Variants in MIB1 observed in about 807,000 individuals in gnomAD.
MIB1 encodes the protein MIB E3 ubiquitin protein ligase 1.
A neutral mutation model predicts 124.5 loss-of-function variants in MIB1; 278 were observed. That is an observed-to-expected ratio of 2.23 (90% confidence interval 2.02 to 2.47). The LOEUF (loss-of-function observed/expected upper bound fraction) is 2.47. Ranked by LOEUF, MIB1 falls within the 30% of genes most tolerant of loss-of-function variation. The pLI, the probability that MIB1 is intolerant of heterozygous loss-of-function variation, is 0.00. For missense variants in MIB1, 957 were observed against 1,254.4 expected, an observed-to-expected ratio of 0.76 and a Z score of 3.58; for synonymous variants, 446 against 429.4, an observed-to-expected ratio of 1.04 and a Z score of -0.48.
intron 7 of MIB1, among the ~76,000 whole-genome samples, chr18:21,795,584 G>A (rs1470373220): frequency 6.6e-6 from 1 of 151,308 alleles, no homozygotes; most frequent in African/African-American, 2.4e-5. Context: ...GATTTGATTT[G>A]AAATCACATA....
At chr18:21,758,075 G>T (rs962189721) in intron 1 of MIB1, among the ~76,000 whole-genome samples, 3 of 152,154 alleles carry the variant, frequency 2.0e-5, no homozygotes, top group African/African-American at 7.2e-5. Context: ...ACTTGTCTGA[G>T]ACTCAGTTTC....
At chr18:21,844,648 C>T (rs558642271) in intron 15 of MIB1, among the ~76,000 whole-genome samples, 2 of 152,268 alleles carry the variant, frequency 1.3e-5, no homozygotes, top group Admixed American at 6.5e-5. Flanking sequence ...AGGCTGGTCT[C>T]GAACTCCTGA....
rs2042077848 is a variant in MIB1 at position 21,840,654 on chromosome 18, TA to T, written c.1962+2158del. On this transcript the variant is annotated intron_variant, in intron 13 of 20. Coordinates refer to ENST00000261537, the MANE Select transcript of MIB1 (RefSeq NM_020774.4). ...ATATATATATATATATATATATATA[TA>T]TATATATATATTTTTTTTTTTTTTT... Among the ~76,000 whole-genome samples the T allele has an allele frequency of 7.2e-3, 29 of 4,026 alleles. 1 individual carries two copies. The highest frequency in any genetic ancestry group is 0.017 in the Admixed American group (4 of 230). The allele number at this position is 4,026 out of a possible 152,430, so 2.6% of individuals were successfully genotyped here. A position where few individuals can be genotyped will look rare whatever the true frequency, so the allele number is the denominator to read the frequency against.
At chr18:21,723,418 G>T (rs2040723611) in intron 1 of MIB1, among the ~76,000 whole-genome samples, 1 of 152,060 alleles carries the variant, frequency 6.6e-6, no homozygotes, top group Non-Finnish European at 1.5e-5. Context: ...GGTTCTGAGT[G>T]TACTCACTGC....
At chr18:21,816,338 A>G (rs979986847) in intron 11 of MIB1, among the ~76,000 whole-genome samples, 2 of 152,164 alleles carry the variant, frequency 1.3e-5, no homozygotes, top group Non-Finnish European at 1.5e-5. Flanking sequence ...ACAGTTTTAT[A>G]ACCAGATAAA....
intron 12 of MIB1, among the ~76,000 whole-genome samples, chr18:21,838,121 G>C (rs1021243861): frequency 6.6e-6 from 1 of 151,978 alleles, no homozygotes; most frequent in Non-Finnish European, 1.5e-5. Context: ...CAAAAAGCTA[G>C]CTGGGCATGG....
intron 20 of MIB1, among the ~76,000 whole-genome samples, chr18:21,859,392 C>CAA (rs55876332): frequency 0.014 from 1,723 of 121,980 alleles, 16 homozygotes; most frequent in Admixed American, 0.018. Context: ...GACCCCATCT[C>CAA]AAAAAAAAAA....
intron 1 of MIB1, among the ~76,000 whole-genome samples, chr18:21,719,783 C>T (rs2040706611): frequency 1.3e-5 from 2 of 151,936 alleles, no homozygotes; most frequent in Admixed American, 1.3e-4. Context: ...TAAAAACTCA[C>T]TCCTATTTAC....
rs1341534504 is a variant in MIB1 at position 21,864,655 on chromosome 18, C to A, written c.3010C>A (p.Leu1004Ile). Reference sequence around the variant, plus strand: ...TCGCAAGGCTATTGAACGAAGGATTCTTTTGTATTAACTAAGACACATGGT... The same window carrying A: ...TCGCAAGGCTATTGAACGAAGGATTATTTTGTATTAACTAAGACACATGGT... ...ICRKAIERRI[L>I]LY is the part of the protein sequence containing the mutation. The change falls in exon 21 of 21, where the codon CTT becomes ATT. Residue 1004 changes from leucine (L) to isoleucine (I), a missense_variant. Physicochemically the swap from Leu to Ile is conservative, Grantham distance 5. Coordinates refer to ENST00000261537, the MANE Select transcript of MIB1 (RefSeq NM_020774.4). 1.2e-6 allele frequency: 2 copies of A among 1,613,064 alleles called. No individual in the cohort carries two copies. The highest frequency in any genetic ancestry group is 1.1e-5 in the South Asian group (1 of 90,970).
rs1394405437 is a variant in MIB1 at position 21,868,549 on chromosome 18, T to C, written c.*3883T>C. The C allele has an allele frequency of 2.6e-5, 4 of 152,480 alleles. No homozygotes were observed. The highest frequency in any genetic ancestry group is 2.6e-4 in the Admixed American group (4 of 15,274). 9.4% of individuals were successfully genotyped at this position (152,480 alleles called of 1,614,324 possible). A position where few individuals can be genotyped will look rare whatever the true frequency, so the allele number is the denominator to read the frequency against. On this transcript the variant is annotated 3_prime_UTR_variant, in exon 21 of 21. Coordinates refer to ENST00000261537, the MANE Select transcript of MIB1 (RefSeq NM_020774.4). ...ATCAGAATTAGATTAGCTTTGAGTT[T>C]GTACAATTGGGAACATAATAGATTT...
At chr18:21,780,279 A>G (rs1415096066) in intron 6 of MIB1, among the ~76,000 whole-genome samples, 2 of 152,228 alleles carry the variant, frequency 1.3e-5, no homozygotes, top group South Asian at 2.1e-4. Flanking sequence ...GTTCTGAACT[A>G]TACAAGTTGT....
intron 7 of MIB1, among the ~76,000 whole-genome samples, chr18:21,796,441 A>G (rs1373194692): frequency 6.6e-6 from 1 of 152,138 alleles, no homozygotes; most frequent in Non-Finnish European, 1.5e-5. Flanking sequence ...ATCTAATATA[A>G]TGCATGCGGG....
At chr18:21,755,164 A>G (rs980688984) in intron 1 of MIB1, among the ~76,000 whole-genome samples, 4 of 152,118 alleles carry the variant, frequency 2.6e-5, no homozygotes, top group Non-Finnish European at 4.4e-5. Flanking sequence ...AGTTACAGCA[A>G]TTTAACCATT....
intron 1 of MIB1, among the ~76,000 whole-genome samples, chr18:21,759,092 G>C (rs560419008): frequency 1.3e-5 from 2 of 151,580 alleles, no homozygotes; most frequent in Non-Finnish European, 2.9e-5. Flanking sequence ...TCCCCTCCTC[G>C]CCTAAGGTAA....
intron 12 of MIB1, among the ~76,000 whole-genome samples, chr18:21,820,343 T>G (rs1295725565): frequency 6.6e-6 from 1 of 152,252 alleles, no homozygotes; most frequent in African/African-American, 2.4e-5. Flanking sequence ...CCTGTATACC[T>G]GGACTAAGAA....
In MIB1 at chr18:21,711,079, G is replaced by A. The variant is rs180984564; in HGVS notation, n.167+5956G>A. Among the ~76,000 whole-genome samples, 419 of 151,668 alleles carry A rather than the reference G, an allele frequency of 2.8e-3. 2 individuals carry two copies. Among genetic ancestry groups the A allele is most frequent in the African/African-American group, 8.9e-3 (370 of 41,356 alleles). On this transcript the variant is annotated intron_variant and non_coding_transcript_variant, in intron 1 of 20. Transcript: ENST00000578646. ...TGACCTCAGGTGATCCACCTGCCTC[G>A]GCCTCCCAAAGTGCTGGGATTACAG...
At chr18:21,809,991 CAA>C (rs919626755) in intron 10 of MIB1, among the ~76,000 whole-genome samples, 1 of 151,854 alleles carries the variant, frequency 6.6e-6, no homozygotes, top group Non-Finnish European at 1.5e-5. Context: ...AAGATTTCAA[CAA>C]AAAAACTTTT....
intron 1 of MIB1, among the ~76,000 whole-genome samples, chr18:21,761,045 T>G (rs1221048000): frequency 6.6e-6 from 1 of 152,218 alleles, no homozygotes; most frequent in Non-Finnish European, 1.5e-5. Flanking sequence ...ACAGATACAG[T>G]TATTAGAATC....
intron 1 of MIB1, among the ~76,000 whole-genome samples, chr18:21,762,767 A>G (rs2041112529): frequency 6.6e-6 from 1 of 152,224 alleles, no homozygotes. Flanking sequence ...AATATGGTAT[A>G]TAATTGCTAT....
Sources: gnomAD v4.1 joint callset for allele counts (sites outside exome capture counted in the v4.1 genomes callset) on GRCh38, gnomAD v4.1.1 for gene constraint, MANE v1.5 for transcripts, NCBI Gene and HGNC (gene_info 2026-07-23, HGNC 2026-07-21) for gene names.